ADAMTS20: variants seen among roughly 807,000 people sequenced by gnomAD.
ADAMTS20 encodes the protein ADAM metallopeptidase with thrombospondin type 1 motif 20, also known as A disintegrin and metalloproteinase with thrombospondin motifs 20.
In ADAMTS20, 225 loss-of-function variants were observed where a neutral mutation model predicts 260.1. The ratio of observed to expected loss-of-function variants is 0.87; its 90% CI spans 0.78 to 0.97. The LOEUF is 0.97. Among genes scored for constraint, ADAMTS20 ranks in the 50% least tolerant of loss-of-function variants. The pLI is 0.00. For synonymous variants in ADAMTS20, 802 were observed against 769.5 expected, an observed-to-expected ratio of 1.04 and a Z score of -0.70; for missense variants, 2,400 against 2,337.7, an observed-to-expected ratio of 1.03 and a Z score of -0.55.
rs1208405903 is a variant in ADAMTS20, at chr12:43,427,335, TG to T, written c.4079del (p.Pro1360HisfsTer19). 4.3e-6 allele frequency: 7 copies of T among 1,613,452 alleles called. No homozygotes were observed. The highest frequency in any genetic ancestry group is 5.9e-6 in the Non-Finnish European group (7 of 1,179,750). ...ELQQCGPGPC[P>X]QWNYGNWGEC... ...CTCCCCAATTTCCGTAGTTCCACTGTGGACAAGGCCCTGGACCACATTGCTG... is the reference window on the plus strand; with the variant it reads ...CTCCCCAATTTCCGTAGTTCCACTGTGACAAGGCCCTGGACCACATTGCTG... On this transcript the variant is annotated frameshift_variant, in exon 27 of 39. Transcript: ENST00000389420. LOFTEE classifies it high-confidence loss of function.
chr12:43,489,911 A>G (rs981160719), intron 7 of ADAMTS20, among the ~76,000 whole-genome samples: 4 of 152,060 alleles, frequency 2.6e-5, no homozygotes, highest in Non-Finnish European at 5.9e-5. Context: ...ACACATATAT[A>G]TGTAATAAAA....
At chr12:43,526,454 T>A (rs368261306) in intron 3 of ADAMTS20, among the ~76,000 whole-genome samples, 1 of 151,180 alleles carries the variant, frequency 6.6e-6, no homozygotes, top group East Asian at 1.9e-4. Flanking sequence ...CAATACTCCG[T>A]CTCAAAAAAA....
intron 3 of ADAMTS20, among the ~76,000 whole-genome samples, chr12:43,513,389 A>G (rs1380847720): frequency 6.6e-6 from 1 of 152,222 alleles, no homozygotes; most frequent in Non-Finnish European, 1.5e-5. Flanking sequence ...GAAAACAGGC[A>G]CATGTTCATT....
intron 7 of ADAMTS20, among the ~76,000 whole-genome samples, chr12:43,472,773 A>C (rs1394996383): frequency 2.6e-5 from 4 of 151,416 alleles, no homozygotes; most frequent in African/African-American, 9.7e-5. Flanking sequence ...ATACTTTACA[A>C]ACAAGCAAAT....
intron 3 of ADAMTS20, among the ~76,000 whole-genome samples, chr12:43,513,761 G>A (rs1200757340): frequency 1.3e-5 from 2 of 152,044 alleles, no homozygotes; most frequent in African/African-American, 4.8e-5. Context: ...GTCCTTTGTA[G>A]GAACATGAAT....
At position 43,427,381 on chromosome 12, in the gene ADAMTS20, G is replaced by C. The variant is rs149084530; in HGVS notation, c.4034C>G (p.Ala1345Gly). The C allele has an allele frequency of 6.2e-7, 1 of 1,613,820 alleles. No individual in the cohort carries two copies. Among genetic ancestry groups the C allele is most frequent in the African/African-American group, 1.3e-5 (1 of 74,926 alleles). ...NGQSASYCDA[A>G]SKPPELQQCG... ...TTGCTGTAACTCTGGAGGCTTGGAG[G>C]CTGCATCGCAGTAACTAGCACTTTG... The change falls in exon 27 of 39, where the codon GCC (alanine) becomes GGC (glycine). Residue 1345 changes from alanine to glycine, a missense_variant. Physicochemically the swap from Ala to Gly is moderately conservative, Grantham distance 60. Transcript: ENST00000389420.
At chr12:43,495,597 A>G (rs1942666716) in intron 4 of ADAMTS20, among the ~76,000 whole-genome samples, 1 of 152,212 alleles carries the variant, frequency 6.6e-6, no homozygotes, top group African/African-American at 2.4e-5. Context: ...GAAGCAAAGT[A>G]TCCAAAAGCA....
intron 22 of ADAMTS20, among the ~76,000 whole-genome samples, 156 bp downstream of exon 22, chr12:43,431,176 T>G (rs551068053): frequency 6.6e-6 from 1 of 152,358 alleles, no homozygotes; most frequent in Non-Finnish European, 1.5e-5. Flanking sequence ...TATCAACATG[T>G]TACACATAAA....
intron 28 of ADAMTS20, among the ~76,000 whole-genome samples, chr12:43,414,844 A>G (rs1941099605): frequency 6.6e-6 from 1 of 152,090 alleles, no homozygotes; most frequent in Non-Finnish European, 1.5e-5. Context: ...ACAGATATGG[A>G]TATACATGTT....
intron 7 of ADAMTS20, among the ~76,000 whole-genome samples, chr12:43,483,936 C>T (rs1236740380): frequency 6.6e-6 from 1 of 152,144 alleles, no homozygotes; most frequent in Non-Finnish European, 1.5e-5. Context: ...CATGGGGCAA[C>T]AAGATAAGTG....
intron 3 of ADAMTS20, among the ~76,000 whole-genome samples, chr12:43,513,921 G>C (rs1177015892): frequency 2.2e-5 from 3 of 135,478 alleles, no homozygotes; most frequent in Non-Finnish European, 3.2e-5. Context: ...CGGGTGAGGG[G>C]AGGGGGGAGG....
intron 4 of ADAMTS20, among the ~76,000 whole-genome samples, chr12:43,496,671 G>T (rs971161813): frequency 2.0e-5 from 3 of 152,068 alleles, no homozygotes; most frequent in African/African-American, 7.2e-5. Flanking sequence ...TTGAGGCACT[G>T]GGTACCCTTG....
intron 29 of ADAMTS20, among the ~76,000 whole-genome samples, chr12:43,397,234 C>T (rs942279603): frequency 1.3e-5 from 2 of 152,106 alleles, no homozygotes; most frequent in Non-Finnish European, 2.9e-5. Context: ...AACAAAATGT[C>T]CATTGTCGCC....
chr12:43,430,462 T>G lies in ADAMTS20; in HGVS notation c.3271A>C (p.Thr1091Pro), dbSNP rs1447633444. 2.5e-6 allele frequency: 4 copies of G among 1,612,088 alleles called. No homozygotes were observed. Among genetic ancestry groups the G allele is most frequent in the Non-Finnish European group, 3.4e-6 (4 of 1,178,930 alleles). ...CGCATCTGATACCCATGTCCACATG[T>G]GGTTGTGCACTGAAAGAAGAATATA... ...QVGPWGPCTTTCGHGYQMRDV... is the reference protein window; with the variant it reads ...QVGPWGPCTTPCGHGYQMRDV... Residue 1091 changes from threonine to proline, a missense_variant, in exon 23 of 39, where the codon ACA (threonine) becomes CCA (proline). Coordinates refer to ENST00000389420, the MANE Select transcript of ADAMTS20 (RefSeq NM_025003.5).
intron 38 of ADAMTS20, among the ~76,000 whole-genome samples, chr12:43,356,063 T>C (rs1394888140): frequency 1.3e-5 from 2 of 152,126 alleles, no homozygotes; most frequent in African/African-American, 4.8e-5. Flanking sequence ...ACTAAAACAG[T>C]GAGGGAAGAA....
intron 37 of ADAMTS20, among the ~76,000 whole-genome samples, chr12:43,358,655 G>A (rs1000016945): frequency 6.6e-6 from 1 of 151,494 alleles, no homozygotes; most frequent in East Asian, 1.9e-4. Context: ...TGGCTAACAC[G>A]GTGAAACCCC....
intron 37 of ADAMTS20, among the ~76,000 whole-genome samples, chr12:43,360,140 G>A (rs1939834906): frequency 6.6e-6 from 1 of 152,148 alleles, no homozygotes; most frequent in Non-Finnish European, 1.5e-5. Flanking sequence ...TTTTTAAAAT[G>A]AGTAAGACTT....
rs1942774851 is a variant in ADAMTS20 at position 43,502,091 on chromosome 12, G to A, written c.867+61C>T. The stretch of plus-strand genomic sequence containing the variant: ...TTGGAAAAAAAATTTAATTCGACAT[G>A]AAAAAATTTCATTAAGCTAAACATT... On this transcript the variant is annotated intron_variant, in intron 4 of 38. Coordinates refer to ENST00000389420, the MANE Select transcript of ADAMTS20 (RefSeq NM_025003.5). 4 of 1,435,900 alleles carry A rather than the reference G, an allele frequency of 2.8e-6. No homozygotes were observed. The South Asian group carries it at 4.3e-5, about 15-fold the overall frequency. 88.9% of individuals were successfully genotyped at this position (1,435,900 alleles called of 1,614,324 possible).
At chr12:43,521,437 C>T (rs1184181558) in intron 3 of ADAMTS20, among the ~76,000 whole-genome samples, 3 of 152,108 alleles carry the variant, frequency 2.0e-5, no homozygotes, top group East Asian at 3.8e-4. Flanking sequence ...AAAATATAAA[C>T]GTCTCTTCAA....
Sources: gnomAD v4.1 joint callset for allele counts (sites outside exome capture counted in the v4.1 genomes callset) on GRCh38, gnomAD v4.1.1 for gene constraint, MANE v1.5 for transcripts, NCBI Gene and HGNC (gene_info 2026-07-23, HGNC 2026-07-21) for gene names.